The following EYS variants were observed in gnomAD, a reference collection of about 807,000 sequenced individuals.
EYS encodes EGF-like photoreceptor maintenance factor, also known as protein eyes shut homolog.
A neutral mutation model predicts 282.1 loss-of-function variants in EYS; 250 were observed. The observed-to-expected ratio is 0.89, with a 90% CI of 0.80 to 0.98. The LOEUF is 0.98. EYS is among the 50% of genes least tolerant of loss of function. The probability of loss-of-function intolerance (pLI) is 0.00; values close to 1 mark genes in which losing one functional copy is unlikely to be tolerated. For synonymous variants in EYS, 1,355 were observed against 1,282.9 expected (o/e 1.06, Z -1.20); for missense variants, 4,016 against 3,709.0 (o/e 1.08, Z -2.15).
chr6:64,452,587 C>T (rs1251276550), intron 26 of EYS, among the ~76,000 whole-genome samples: 4 of 152,120 alleles, frequency 2.6e-5, no homozygotes, highest in African/African-American at 7.2e-5. Flanking sequence ...CTGGAGGCAT[C>T]ACACTACCTG....
chr6:64,804,662 A>T (rs1438012162), intron 22 of EYS, among the ~76,000 whole-genome samples: 1 of 152,108 alleles, frequency 6.6e-6, no homozygotes, highest in Non-Finnish European at 1.5e-5. Flanking sequence ...GAATCTGATG[A>T]CATACTAAAG....
At chr6:64,278,552 G>A (rs369012181) in intron 30 of EYS, among the ~76,000 whole-genome samples, 1 of 152,012 alleles carries the variant, frequency 6.6e-6, no homozygotes, top group Non-Finnish European at 1.5e-5. Flanking sequence ...ACTGTAATTA[G>A]GAACCCTAAA....
intron 24 of EYS, among the ~76,000 whole-genome samples, chr6:64,603,781 T>C (rs1234599162): frequency 6.6e-6 from 1 of 151,938 alleles, no homozygotes; most frequent in African/African-American, 2.4e-5. Flanking sequence ...TCTATCTTAA[T>C]GGATTATATA....
chr6:63,902,094 A>G lies in EYS; in HGVS notation c.7056-37736T>C, dbSNP rs534733443. On this transcript the variant is annotated intron_variant, in intron 35 of 42. Coordinates refer to ENST00000503581, the MANE Select transcript of EYS (RefSeq NM_001142800.2). The stretch of plus-strand genomic sequence containing the variant: ...TGTTTAGTAGAGATGGGGTTTCACC[A>G]GGTTGGCCAGGCTGGTCTTGAACTC... Among the ~76,000 whole-genome samples, 22 of 152,182 alleles carry G rather than the reference A, an allele frequency of 1.4e-4. No individual in the cohort carries two copies. The South Asian group carries it at 4.6e-3, about 32-fold the overall frequency.
intron 26 of EYS, among the ~76,000 whole-genome samples, chr6:64,445,091 C>T (rs116477479): frequency 0.025 from 3,820 of 152,248 alleles, 72 homozygotes; most frequent in Non-Finnish European, 0.038. Flanking sequence ...AATATAATTG[C>T]TTTTGTTTAA....
chr6:65,592,209 A>G (rs1262142923), intron 2 of EYS, among the ~76,000 whole-genome samples: 1 of 152,034 alleles, frequency 6.6e-6, no homozygotes, highest in Non-Finnish European at 1.5e-5. Context: ...CTTTAAAAAA[A>G]GCCTTTATCA....
intron 26 of EYS, among the ~76,000 whole-genome samples, chr6:64,495,485 G>T (rs1038668965): frequency 1.3e-5 from 2 of 151,766 alleles, no homozygotes; most frequent in Admixed American, 1.3e-4. Context: ...AAGCTAAAGG[G>T]CATTCCAGAC....
intron 33 of EYS, among the ~76,000 whole-genome samples, chr6:64,035,044 G>A (rs1770045113): frequency 6.6e-6 from 1 of 152,168 alleles, no homozygotes; most frequent in Admixed American, 6.5e-5. Context: ...AGGGTGGGGT[G>A]GAGGCTACTG....
intron 12 of EYS, among the ~76,000 whole-genome samples, chr6:65,292,244 T>C (rs955530223): frequency 3.6e-4 from 55 of 151,848 alleles, no homozygotes; most frequent in African/African-American, 1.0e-3. Flanking sequence ...ATAAAATCAA[T>C]GTTATTTGTG....
At chr6:64,124,144 T>G (rs1041288664) in intron 31 of EYS, among the ~76,000 whole-genome samples, 9 of 152,294 alleles carry the variant, frequency 5.9e-5, no homozygotes, top group Non-Finnish European at 1.2e-4. Context: ...ATTCTTGTAG[T>G]GTCTTATTTT....
At chr6:65,446,601 G>A (rs1168265824) in intron 5 of EYS, among the ~76,000 whole-genome samples, 1 of 151,760 alleles carries the variant, frequency 6.6e-6, no homozygotes, top group Non-Finnish European at 1.5e-5. Context: ...AGTTGAGAAA[G>A]TATTAACTTG....
intron 30 of EYS, among the ~76,000 whole-genome samples, chr6:64,293,331 T>G (rs1379449076): frequency 6.6e-6 from 1 of 152,148 alleles, no homozygotes; most frequent in African/African-American, 2.4e-5. Flanking sequence ...ACTTACTCCC[T>G]TTTGAAAAGC....
chr6:64,169,983 C>A (rs1484726265), intron 31 of EYS, among the ~76,000 whole-genome samples: 1 of 152,064 alleles, frequency 6.6e-6, no homozygotes, highest in African/African-American at 2.4e-5. Flanking sequence ...CGAATATAGA[C>A]CGATGAGGTT....
chr6:64,160,700 C>T (rs77535467), intron 31 of EYS, among the ~76,000 whole-genome samples: 87 of 152,132 alleles, frequency 5.7e-4, no homozygotes, highest in African/African-American at 2.0e-3. Context: ...GGCCATGGGA[C>T]GTTGAAGAAT....
rs556168281 is a variant in EYS, at chr6:64,686,767, G to GTA, written c.3444-60524_3444-60523dup. Among the ~76,000 whole-genome samples the GTA allele has an allele frequency of 8.8e-3, 157 of 17,748 alleles. 18 individuals carry two copies. Among genetic ancestry groups the GTA allele is most frequent in the African/African-American group, 0.016 (138 of 8,514 alleles). 11.6% of individuals were successfully genotyped at this position (17,748 alleles called of 152,430 possible). On this transcript the variant is annotated intron_variant, in intron 22 of 42. Transcript: ENST00000503581. Reference sequence around the variant, plus strand: ...AATATATATATATATATATATGTGTGTATATATATATATATATATATGTGT... The same window carrying GTA: ...AATATATATATATATATATATGTGTGTATATATATATATATATATATATGTGT...
intron 2 of EYS, among the ~76,000 whole-genome samples, chr6:65,503,017 T>C (rs529631183): frequency 6.6e-6 from 1 of 151,834 alleles, no homozygotes; most frequent in South Asian, 2.1e-4. Flanking sequence ...TAATAAACTA[T>C]ACTTAGTTTT....
chr6:65,207,641 T>C (rs1766068865), intron 12 of EYS, among the ~76,000 whole-genome samples: 1 of 151,572 alleles, frequency 6.6e-6, no homozygotes, highest in Non-Finnish European at 1.5e-5. Context: ...TACAAGGGTA[T>C]ACGAACCAAA....
At chr6:64,855,462 A>C (rs1766029226) in intron 19 of EYS, among the ~76,000 whole-genome samples, 2 of 151,598 alleles carry the variant, frequency 1.3e-5, no homozygotes. Context: ...GTTATTTTGT[A>C]TTGAGTATAC....
At chr6:65,174,569 G>C (rs1020472941) in intron 12 of EYS, among the ~76,000 whole-genome samples, 1 of 151,120 alleles carries the variant, frequency 6.6e-6, no homozygotes, top group Non-Finnish European at 1.5e-5. Context: ...AAAAGTTTGT[G>C]AATAATACCA....
Sources: gnomAD v4.1 joint callset for allele counts (sites outside exome capture counted in the v4.1 genomes callset) on GRCh38, gnomAD v4.1.1 for gene constraint, MANE v1.5 for transcripts, NCBI Gene and HGNC (gene_info 2026-07-23, HGNC 2026-07-21) for gene names.